The following ERGIC1 variants were observed in gnomAD, a reference collection of about 807,000 sequenced individuals.
The protein encoded by ERGIC1 is endoplasmic reticulum-Golgi intermediate compartment protein 1.
ERGIC1 carries 19 observed loss-of-function variants against 38.3 expected under a neutral mutation model. The ratio of observed to expected loss-of-function variants is 0.50; its 90% CI spans 0.35 to 0.73. The LOEUF (loss-of-function observed/expected upper bound fraction) is 0.73, where lower values mean the gene tolerates loss of function less well. ERGIC1 is among the 30% of genes least tolerant of loss of function. The pLI is 0.01. For synonymous variants in ERGIC1, 124 were observed against 157.6 expected, an observed-to-expected ratio of 0.79 and a Z score of 1.60; for missense variants, 294 against 389.2, an observed-to-expected ratio of 0.76 and a Z score of 2.06.
chr5:172,932,374 CAT>C (rs1763796857), intron 7 of ERGIC1, 60 bp from the exon 8 acceptor site: 2 of 1,551,306 alleles, frequency 1.3e-6, no homozygotes, highest in Non-Finnish European at 8.8e-7. Flanking sequence ...ATTGAAATGA[CAT>C]AGAGCTGTCA....
chr5:172,886,448 G>T lies in ERGIC1; in HGVS notation c.21-2251G>T, dbSNP rs563905968. ...CCCTCCTGAGTTAATCCAGCACCTC[G>T]TGATGAGGATGCCACTACCTTCTCC... On this transcript the variant is annotated intron_variant, in intron 1 of 9. Transcript: ENST00000393784. Among the ~76,000 whole-genome samples, 6 of 152,130 alleles carry T rather than the reference G, an allele frequency of 3.9e-5. No homozygotes were observed. The South Asian group carries it at 1.2e-3, about 32-fold the overall frequency.
At chr5:172,873,803 C>A (rs944247637) in intron 1 of ERGIC1, among the ~76,000 whole-genome samples, 2 of 152,178 alleles carry the variant, frequency 1.3e-5, no homozygotes, top group African/African-American at 4.8e-5. Flanking sequence ...ACAGAGTAGG[C>A]CAAGTGTCTA....
chr5:172,908,942 G>A (rs915167817), intron 3 of ERGIC1, among the ~76,000 whole-genome samples: 1 of 152,290 alleles, frequency 6.6e-6, no homozygotes, highest in Middle Eastern at 3.4e-3. Context: ...TGTGCCTGCT[G>A]GCGCCAGGCC....
chr5:172,909,600 C>T, intron 3 of ERGIC1, 67 bp from the exon 4 acceptor site: 1 of 1,438,008 alleles, frequency 7.0e-7, no homozygotes, highest in South Asian at 1.1e-5. Flanking sequence ...TGATCCCCGG[C>T]TGTCCCCCGC....
At chr5:172,908,315 G>GCGC (rs1220727272) in intron 3 of ERGIC1, among the ~76,000 whole-genome samples, 4 of 8,348 alleles carry the variant, frequency 4.8e-4, no homozygotes, top group Non-Finnish European at 1.1e-3. Context: ...GCGGGGGGGG[G>GCGC]GGGAGAGAGG....
Position 172,924,126 on chromosome 5 carries a change from C to G in ERGIC1, c.480+17C>G. ...ACGCTACAGGTGAGCAGGGGACACT[C>G]GAGATGGCATGGCCGGGGGTGGGCC... is the stretch of plus-strand genomic sequence containing the variant. On this transcript the variant is annotated intron_variant, in intron 6 of 9. Coordinates refer to ENST00000393784, the MANE Select transcript of ERGIC1 (RefSeq NM_001031711.3). 1 of 1,612,158 alleles carries G rather than the reference C, an allele frequency of 6.2e-7. No individual in the cohort carries two copies. The highest frequency in any genetic ancestry group is 8.5e-7 in the Non-Finnish European group (1 of 1,178,676).
intron 7 of ERGIC1, among the ~76,000 whole-genome samples, chr5:172,927,381 C>T (rs1422180382): frequency 6.6e-6 from 1 of 152,096 alleles, no homozygotes; most frequent in Non-Finnish European, 1.5e-5. Flanking sequence ...TGTGACCTGC[C>T]CCCCCGACAA....
At chr5:172,847,272 C>T (rs1197673351) in intron 1 of ERGIC1, among the ~76,000 whole-genome samples, 1 of 152,114 alleles carries the variant, frequency 6.6e-6, no homozygotes, top group Non-Finnish European at 1.5e-5. Flanking sequence ...GCCATCACTT[C>T]TGCTCACACT....
intron 7 of ERGIC1, among the ~76,000 whole-genome samples, chr5:172,928,559 C>T (rs184836090): frequency 5.7e-4 from 87 of 152,364 alleles, no homozygotes; most frequent in Non-Finnish European, 1.0e-3. Context: ...CTGAAATCAC[C>T]TTGTTCTCCC....
intron 5 of ERGIC1, chr5:172,915,354 G>C (rs1311572525): frequency 2.2e-6 from 1 of 461,448 alleles, no homozygotes; most frequent in Non-Finnish European, 4.2e-6. Context: ...GGGCTGGTGG[G>C]GCTCCCATTC....
chr5:172,893,929 G>A (rs1231108186), intron 2 of ERGIC1, among the ~76,000 whole-genome samples: 610 of 54,714 alleles, frequency 0.011, 43 homozygotes, highest in African/African-American at 0.041. Context: ...GTGTGTGTGT[G>A]TGTGTGTATA....
chr5:172,898,803 G>T (rs1054775629), intron 3 of ERGIC1, among the ~76,000 whole-genome samples: 1 of 152,114 alleles, frequency 6.6e-6, no homozygotes, highest in Non-Finnish European at 1.5e-5. Flanking sequence ...TCGAAGAAGG[G>T]GTTTTATTCC....
chr5:172,839,839 A>G (rs1761118022), intron 1 of ERGIC1, among the ~76,000 whole-genome samples: 1 of 152,154 alleles, frequency 6.6e-6, no homozygotes, highest in Non-Finnish European at 1.5e-5. Context: ...CAGAGTTCGG[A>G]AACACGGTCG....
chr5:172,892,078 T>TTTG (rs1762580402), intron 2 of ERGIC1, among the ~76,000 whole-genome samples: 2 of 150,644 alleles, frequency 1.3e-5, no homozygotes, highest in South Asian at 2.1e-4. Context: ...TTTTTTTTTT[T>TTTG]TTTTTTTTGA....
intron 1 of ERGIC1, among the ~76,000 whole-genome samples, chr5:172,855,214 G>A (rs941190820): frequency 1.3e-5 from 2 of 152,168 alleles, no homozygotes; most frequent in African/African-American, 2.4e-5. Context: ...GAACAATGAC[G>A]CTGGTTTCCA....
intron 5 of ERGIC1, chr5:172,917,833 A>G (rs1008205799): frequency 6.6e-6 from 1 of 152,212 alleles, no homozygotes; most frequent in Non-Finnish European, 1.5e-5. Flanking sequence ...CAGTTGTTGC[A>G]GATAATTTCC....
chr5:172,924,755 A>T lies in ERGIC1; in HGVS notation c.480+646A>T, dbSNP rs529469485. ...TAGTCATTAGTGGGGTGGAAATCTG[A>T]TTTTTTTAAAAAAATGTACAGAACT... is the stretch of plus-strand genomic sequence containing the variant. On this transcript the variant is annotated intron_variant, in intron 6 of 9. Coordinates refer to ENST00000393784, the MANE Select transcript of ERGIC1 (RefSeq NM_001031711.3). Among the ~76,000 whole-genome samples the T allele has an allele frequency of 2.0e-5, 3 of 152,224 alleles. No individual in the cohort carries two copies. The East Asian group carries it at 5.8e-4, about 29-fold the overall frequency.
chr5:172,864,231 C>G (rs2113119835), intron 1 of ERGIC1, among the ~76,000 whole-genome samples: 1 of 147,196 alleles, frequency 6.8e-6, no homozygotes, highest in South Asian at 2.2e-4. Flanking sequence ...AACGGTTCTT[C>G]TCTTACTACA....
chr5:172,932,327 T>G, intron 7 of ERGIC1, 109 bp from the exon 8 acceptor site: 2 of 1,067,360 alleles, frequency 1.9e-6, no homozygotes, highest in Non-Finnish European at 2.7e-6. Context: ...AACTGGGGAA[T>G]GAGCCCCCTG....
Sources: gnomAD v4.1 joint callset for allele counts (sites outside exome capture counted in the v4.1 genomes callset) on GRCh38, gnomAD v4.1.1 for gene constraint, MANE v1.5 for transcripts, NCBI Gene and HGNC (gene_info 2026-07-23, HGNC 2026-07-21) for gene names.